The following MTHFD1L variants were observed in gnomAD, a reference collection of about 807,000 sequenced individuals.
MTHFD1L encodes methylenetetrahydrofolate dehydrogenase (NADP+ dependent) 1 like.
MTHFD1L carries 81 observed loss-of-function variants against 119.5 expected under a neutral mutation model. That is an observed-to-expected ratio of 0.68 (90% CI 0.57 to 0.82). The LOEUF is 0.82. Among genes scored for constraint, MTHFD1L ranks in the 40% least tolerant of loss-of-function variants. The pLI, the probability that MTHFD1L is intolerant of heterozygous loss-of-function variation, is 0.00. For missense variants in MTHFD1L, 1,125 were observed against 1,253.4 expected, an observed-to-expected ratio of 0.90 and a Z score of 1.55; for synonymous variants, 430 against 475.2, an observed-to-expected ratio of 0.90 and a Z score of 1.24.
chr6:150,956,174 T>G, intron 17 of MTHFD1L, 103 bp downstream of exon 17: 1 of 1,144,138 alleles, frequency 8.7e-7, no homozygotes, highest in Non-Finnish European at 1.3e-6. Context: ...CAACCTGTTG[T>G]GGCCAGTGGT....
At chr6:150,898,198 A>G (rs1055550286) in intron 7 of MTHFD1L, among the ~76,000 whole-genome samples, 3 of 152,124 alleles carry the variant, frequency 2.0e-5, no homozygotes, top group African/African-American at 7.2e-5. Context: ...ACAATGAAGC[A>G]CCTTATAAGT....
intron 1 of MTHFD1L, chr6:150,866,328 G>A (rs936772638): frequency 5.9e-5 from 86 of 1,454,320 alleles, no homozygotes; most frequent in African/African-American, 2.4e-4. Context: ...CGCACGCCCG[G>A]CTCCACGTGC....
intron 1 of MTHFD1L, chr6:150,866,725 C>T (rs1461902043): frequency 9.2e-7 from 1 of 1,083,206 alleles, no homozygotes; most frequent in African/African-American, 1.7e-5. Context: ...CCCACGGAGT[C>T]CCCGCGCAGC....
rs377378137 is a variant in MTHFD1L, at chr6:150,883,174, A to C, written c.542+288A>C. Among the ~76,000 whole-genome samples, 98 of 152,108 alleles carry C rather than the reference A, an allele frequency of 6.4e-4. 5 individuals carry two copies. In the South Asian group the frequency reaches 0.017, roughly 27 times the overall value. On this transcript the variant is annotated intron_variant, in intron 5 of 27. Transcript: ENST00000367321. ...CAGCCTCCTGAGTAGCTGGGATTAC[A>C]GGCATGCGCTACCATGCCTGGCTAA...
At chr6:151,047,052 C>G (rs938557784) in intron 26 of MTHFD1L, among the ~76,000 whole-genome samples, 9 of 151,950 alleles carry the variant, frequency 5.9e-5, no homozygotes, top group Non-Finnish European at 1.2e-4. Context: ...CTTAAATTAT[C>G]CACCCGCAGA....
chr6:150,949,247 C>T, intron 16 of MTHFD1L, 114 bp downstream of exon 16: 1 of 762,526 alleles, frequency 1.3e-6, no homozygotes, highest in East Asian at 2.7e-5. Flanking sequence ...TCTTCCCAGC[C>T]TGTGCTTCAT....
At position 150,962,558 on chromosome 6, in the gene MTHFD1L, A is replaced by G. The variant is rs141344888; in HGVS notation, c.1944+2143A>G. Among the ~76,000 whole-genome samples the G allele has an allele frequency of 2.0e-4, 30 of 152,292 alleles. No individual in the cohort carries two copies. The East Asian group carries it at 5.0e-3, about 25-fold the overall frequency. On this transcript the variant is annotated intron_variant, in intron 18 of 27. Transcript: ENST00000367321. ...GGTTTCTGCCACATGCATGATTCTG[A>G]TATACCCTGGAAGAATCCATCTGAG...
At chr6:150,871,849 A>AATTTT (rs1377549045) in intron 1 of MTHFD1L, among the ~76,000 whole-genome samples, 3 of 148,578 alleles carry the variant, frequency 2.0e-5, no homozygotes, top group Non-Finnish European at 3.0e-5. Flanking sequence ...ATTTTATTTT[A>AATTTT]ATTTTATTTT....
intron 27 of MTHFD1L, among the ~76,000 whole-genome samples, chr6:151,095,446 C>T: frequency 6.6e-6 from 1 of 152,190 alleles, no homozygotes; most frequent in East Asian, 1.9e-4. Flanking sequence ...CAGTATTTTT[C>T]CAGCTTTTGG....
At chr6:151,036,876 T>G in intron 25 of MTHFD1L, 89 bp from the exon 26 acceptor site, 1 of 1,420,204 alleles carries the variant, frequency 7.0e-7, no homozygotes, top group Non-Finnish European at 9.9e-7. Flanking sequence ...CGGCATACCA[T>G]TGCTGCCGAG....
At chr6:150,915,503 T>G (rs532056893) in intron 8 of MTHFD1L, among the ~76,000 whole-genome samples, 1 of 152,242 alleles carries the variant, frequency 6.6e-6, no homozygotes, top group Non-Finnish European at 1.5e-5. Context: ...AAGTGAAATA[T>G]TCTTCACTCG....
At chr6:150,953,871 C>T (rs1795207732) in intron 16 of MTHFD1L, among the ~76,000 whole-genome samples, 7 of 152,208 alleles carry the variant, frequency 4.6e-5, no homozygotes, top group Admixed American at 4.6e-4. Flanking sequence ...ATTGACTTTG[C>T]ACCCCATGTA....
chr6:150,946,105 A>G (rs1166606618), intron 15 of MTHFD1L, among the ~76,000 whole-genome samples: 1 of 152,134 alleles, frequency 6.6e-6, no homozygotes, highest in Non-Finnish European at 1.5e-5. Context: ...AAATTATAGG[A>G]TAACCTTTGA....
At chr6:150,873,009 G>A (rs746888373) in intron 1 of MTHFD1L, among the ~76,000 whole-genome samples, 3 of 151,756 alleles carry the variant, frequency 2.0e-5, no homozygotes, top group Non-Finnish European at 4.4e-5. Flanking sequence ...GACGATTGCC[G>A]ACTTACCTAT....
chr6:150,953,518 T>A (rs146617117), intron 16 of MTHFD1L, among the ~76,000 whole-genome samples: 114 of 152,340 alleles, frequency 7.5e-4, no homozygotes, highest in Non-Finnish European at 1.3e-3. Context: ...AAGTGTTTCT[T>A]ATTCCACCTT....
At chr6:150,947,724 A>G (rs952493230) in intron 15 of MTHFD1L, among the ~76,000 whole-genome samples, 2 of 152,060 alleles carry the variant, frequency 1.3e-5, no homozygotes, top group African/African-American at 2.4e-5. Flanking sequence ...CATCAATTAT[A>G]TGGACAGACA....
chr6:150,994,064 T>TAAAAAAAAAAAAAAAAAA (rs746589557), intron 20 of MTHFD1L, among the ~76,000 whole-genome samples: 3 of 74,272 alleles, frequency 4.0e-5, no homozygotes, highest in Non-Finnish European at 2.3e-5. Flanking sequence ...ACAACAACAG[T>TAAAAAAAAAAAAAAAAAA]AAAAAAAAAA....
At chr6:150,965,863 A>T (rs73783134) in intron 19 of MTHFD1L, among the ~76,000 whole-genome samples, 2,293 of 152,306 alleles carry the variant, frequency 0.015, 57 homozygotes, top group African/African-American at 0.053. Context: ...GCCAAAGGCA[A>T]GTCAATAAAC....
intron 19 of MTHFD1L, among the ~76,000 whole-genome samples, chr6:150,970,249 G>A (rs998093720): frequency 1.3e-5 from 2 of 152,182 alleles, no homozygotes; most frequent in East Asian, 1.9e-4. Context: ...CCCAGTGAAC[G>A]TAATGTCTGA....
Sources: gnomAD v4.1 joint callset for allele counts (sites outside exome capture counted in the v4.1 genomes callset) on GRCh38, gnomAD v4.1.1 for gene constraint, MANE v1.5 for transcripts, NCBI Gene and HGNC (gene_info 2026-07-23, HGNC 2026-07-21) for gene names.